GPR158: variants seen among roughly 807,000 people sequenced by gnomAD.
GPR158 encodes G protein-coupled receptor 158, also known as metabotropic glycine receptor.
Under a neutral mutation model 78.2 loss-of-function variants are expected in GPR158, and 30 were observed. That is an observed-to-expected ratio of 0.38 (90% CI 0.29 to 0.52). The LOEUF (loss-of-function observed/expected upper bound fraction) is 0.52, where lower values mean the gene tolerates loss of function less well. Among genes scored for constraint, GPR158 ranks in the 20% least tolerant of loss-of-function variants. The pLI, the probability that GPR158 is intolerant of heterozygous loss-of-function variation, is 0.83. For synonymous variants in GPR158, 581 were observed against 591.1 expected (o/e 0.98, Z 0.25); for missense variants, 1,463 against 1,523.5 (o/e 0.96, Z 0.66).
At chr10:25,358,164 C>T (rs1855578647) in intron 2 of GPR158, among the ~76,000 whole-genome samples, 1 of 152,036 alleles carries the variant, frequency 6.6e-6, no homozygotes, top group East Asian at 1.9e-4. Context: ...AATGCCTGTA[C>T]CCCCATTGTA....
At chr10:25,276,326 T>G (rs1488748788) in intron 2 of GPR158, among the ~76,000 whole-genome samples, 3 of 152,230 alleles carry the variant, frequency 2.0e-5, no homozygotes. Context: ...TGCTCAATTT[T>G]GATTTAGAAA....
chr10:25,233,126 T>C (rs558715520), intron 2 of GPR158, among the ~76,000 whole-genome samples: 22 of 152,324 alleles, frequency 1.4e-4, no homozygotes, highest in South Asian at 1.0e-3. Flanking sequence ...GAGGGACTTA[T>C]AAGTCTGGAG....
At chr10:25,475,356 A>G (rs1044593548) in intron 5 of GPR158, 4 of 152,176 alleles carry the variant, frequency 2.6e-5, no homozygotes, top group African/African-American at 4.8e-5. Flanking sequence ...TTAACTAGCT[A>G]TTTTATCTTT....
At chr10:25,260,290 A>G (rs868816629) in intron 2 of GPR158, among the ~76,000 whole-genome samples, 1 of 152,044 alleles carries the variant, frequency 6.6e-6, no homozygotes. Context: ...ACTCTCCTTC[A>G]AGGAGGCTAA....
rs1426053480 is a variant in GPR158, at chr10:25,550,552, T to TG, written c.1405-422dup. Among the ~76,000 whole-genome samples, 7 of 152,272 alleles carry TG rather than the reference T, an allele frequency of 4.6e-5. No individual in the cohort carries two copies. The East Asian group carries it at 1.2e-3, about 25-fold the overall frequency. On this transcript the variant is annotated intron_variant, in intron 5 of 10. Coordinates refer to ENST00000376351, the MANE Select transcript of GPR158 (RefSeq NM_020752.3). ...TTTGGACAATAAGGAGAGGTAAGTT[T>TG]GGACATACACCAAAGACTTAGAGAC...
intron 2 of GPR158, among the ~76,000 whole-genome samples, chr10:25,363,314 TATC>T (rs1588825752): frequency 6.6e-6 from 1 of 151,932 alleles, no homozygotes; most frequent in Non-Finnish European, 1.5e-5. Context: ...GTATATTCAT[TATC>T]ATTCCAATGA....
At chr10:25,416,849 G>A (rs1033631112) in intron 4 of GPR158, among the ~76,000 whole-genome samples, 3 of 152,070 alleles carry the variant, frequency 2.0e-5, no homozygotes, top group African/African-American at 7.2e-5. Context: ...AACACTTCTA[G>A]AAGATTAAAA....
chr10:25,321,768 AG>A (rs1416054485), intron 2 of GPR158, among the ~76,000 whole-genome samples: 1 of 152,138 alleles, frequency 6.6e-6, no homozygotes, highest in Non-Finnish European at 1.5e-5. Flanking sequence ...AGTTGTATAT[AG>A]GTGTCCTTAA....
chr10:25,209,985 T>G (rs1235211236), intron 1 of GPR158, among the ~76,000 whole-genome samples: 1 of 152,208 alleles, frequency 6.6e-6, no homozygotes, highest in Non-Finnish European at 1.5e-5. Context: ...CAATGTTTTC[T>G]TAGTATGAGA....
At chr10:25,576,599 A>G (rs1324618225) in intron 7 of GPR158, among the ~76,000 whole-genome samples, 3 of 152,190 alleles carry the variant, frequency 2.0e-5, no homozygotes, top group Non-Finnish European at 4.4e-5. Flanking sequence ...TGCAAAAGAA[A>G]ATGAAGATTC....
At chr10:25,430,951 G>C (rs1317686977) in intron 4 of GPR158, among the ~76,000 whole-genome samples, 2 of 147,640 alleles carry the variant, frequency 1.4e-5, no homozygotes, top group South Asian at 4.4e-4. Context: ...CATAGGCATG[G>C]GCAAGGACTT....
At chr10:25,290,084 A>G (rs904394124) in intron 2 of GPR158, among the ~76,000 whole-genome samples, 2 of 152,214 alleles carry the variant, frequency 1.3e-5, no homozygotes, top group Non-Finnish European at 2.9e-5. Flanking sequence ...ATTGCTTACA[A>G]TGTCAGGGTT....
chr10:25,193,446 G>T (rs186492854), intron 1 of GPR158, among the ~76,000 whole-genome samples: 3 of 152,160 alleles, frequency 2.0e-5, no homozygotes, highest in African/African-American at 7.2e-5. Flanking sequence ...CAAAGACCTC[G>T]AGATGGAATG....
At chr10:25,199,827 TTCTTTA>T (rs1351109178) in intron 1 of GPR158, among the ~76,000 whole-genome samples, 1 of 152,156 alleles carries the variant, frequency 6.6e-6, no homozygotes, top group Non-Finnish European at 1.5e-5. Context: ...TCTTGGGTAT[TTCTTTA>T]TAACAGTGTG....
chr10:25,423,543 A>C (rs9418478), intron 4 of GPR158, among the ~76,000 whole-genome samples: 106,061 of 151,676 alleles, frequency 0.7, 38,089 homozygotes, highest in Non-Finnish European at 0.8. Flanking sequence ...CCCATGCCCC[A>C]ACCTATGACA....
intron 2 of GPR158, among the ~76,000 whole-genome samples, chr10:25,369,078 G>A (rs569010170): frequency 0.011 from 1,644 of 151,546 alleles, 9 homozygotes; most frequent in Non-Finnish European, 0.016. Flanking sequence ...CTGAGACAAT[G>A]GGGTTTTCTA....
At chr10:25,347,632 A>T (rs921968224) in intron 2 of GPR158, among the ~76,000 whole-genome samples, 9 of 152,038 alleles carry the variant, frequency 5.9e-5, no homozygotes, top group Admixed American at 4.6e-4. Context: ...CTATCTAGAA[A>T]ATTGGAAGAT....
At chr10:25,521,179 C>T (rs928923601) in intron 5 of GPR158, among the ~76,000 whole-genome samples, 1 of 152,220 alleles carries the variant, frequency 6.6e-6, no homozygotes, top group African/African-American at 2.4e-5. Context: ...ACTCCCTGAC[C>T]CCTTGCGCTT....
intron 4 of GPR158, among the ~76,000 whole-genome samples, chr10:25,416,794 AG>A (rs1834667398): frequency 6.6e-6 from 1 of 152,190 alleles, no homozygotes; most frequent in Non-Finnish European, 1.5e-5. Flanking sequence ...CAGGTTGAAA[AG>A]TTTATGCATG....
Sources: gnomAD v4.1 joint callset for allele counts (sites outside exome capture counted in the v4.1 genomes callset) on GRCh38, gnomAD v4.1.1 for gene constraint, MANE v1.5 for transcripts, NCBI Gene and HGNC (gene_info 2026-07-23, HGNC 2026-07-21) for gene names.